TBC1D19: variants seen among roughly 807,000 people sequenced by gnomAD.
TBC1D19 encodes the protein TBC1 domain family, member 19.
Under a neutral mutation model 89.0 loss-of-function variants are expected in TBC1D19, and 60 were observed. The ratio of observed to expected loss-of-function variants is 0.67; its 90% CI spans 0.55 to 0.84. The LOEUF (loss-of-function observed/expected upper bound fraction) is 0.84. Among genes scored for constraint, TBC1D19 ranks in the 40% least tolerant of loss-of-function variants. TBC1D19 has a pLI of 0.00. For synonymous variants in TBC1D19, 189 were observed against 199.7 expected (o/e 0.95, Z 0.45); for missense variants, 500 against 610.8 (o/e 0.82, Z 1.91).
At chr4:26,805,054 C>A in the TBC1D19 span, among the ~76,000 whole-genome samples, 1 of 152,190 alleles carries the variant, frequency 6.6e-6, no homozygotes, top group Non-Finnish European at 1.5e-5. Context: ...CTCAGCTCCT[C>A]TTCCCACGGA....
intron 4 of TBC1D19, among the ~76,000 whole-genome samples, chr4:26,628,200 T>C (rs995452812): frequency 1.1e-4 from 16 of 152,134 alleles, no homozygotes; most frequent in Admixed American, 4.6e-4. Context: ...TAGTTGTAGA[T>C]ATGTGGCATT....
chr4:26,627,575 T>G (rs1409117675), intron 4 of TBC1D19, among the ~76,000 whole-genome samples: 3 of 151,936 alleles, frequency 2.0e-5, no homozygotes, highest in African/African-American at 7.2e-5. Flanking sequence ...TTTTAATGAT[T>G]GCCATTCTAA....
chr4:26,709,561 C>A (rs1458706580), intron 13 of TBC1D19, among the ~76,000 whole-genome samples: 1 of 151,966 alleles, frequency 6.6e-6, no homozygotes, highest in Non-Finnish European at 1.5e-5. Context: ...TTTTCCCTTT[C>A]TGGGTCCTTT....
chr4:26,761,196 G>A (rs951469591), downstream of TBC1D19, among the ~76,000 whole-genome samples: 6 of 152,032 alleles, frequency 3.9e-5, no homozygotes, highest in East Asian at 1.2e-3. Flanking sequence ...TAGCTTCTTC[G>A]CATTTCTAAA....
intron 8 of TBC1D19, 100 bp from the exon 9 acceptor site, chr4:26,666,233 T>G: frequency 1.1e-6 from 1 of 914,924 alleles, no homozygotes. Context: ...CATTTCACAC[T>G]GTGATTTTTA....
chr4:26,791,751 C>CT, the TBC1D19 span, among the ~76,000 whole-genome samples: 1 of 152,280 alleles, frequency 6.6e-6, no homozygotes, highest in East Asian at 1.9e-4. Context: ...TAAGATAGAG[C>CT]TGCCATTTAG....
the TBC1D19 span, among the ~76,000 whole-genome samples, chr4:26,791,791 G>C: frequency 3.9e-4 from 59 of 152,314 alleles, no homozygotes; most frequent in Admixed American, 1.1e-3. Context: ...TTTTACTGAG[G>C]GAAGATGAGT....
At chr4:26,634,395 T>G (rs1216694734) in intron 4 of TBC1D19, among the ~76,000 whole-genome samples, 1 of 152,140 alleles carries the variant, frequency 6.6e-6, no homozygotes, top group African/African-American at 2.4e-5. Flanking sequence ...CACTTTTTAC[T>G]GCAATACACA....
At chr4:26,806,498 A>C in the TBC1D19 span, among the ~76,000 whole-genome samples, 1 of 152,232 alleles carries the variant, frequency 6.6e-6, no homozygotes, top group Non-Finnish European at 1.5e-5. Context: ...GTGACTCACT[A>C]TGTGTCTGCC....
At chr4:26,798,067 C>G in the TBC1D19 span, among the ~76,000 whole-genome samples, 45 of 152,134 alleles carry the variant, frequency 3.0e-4, no homozygotes, top group Non-Finnish European at 5.6e-4. Context: ...AACTAAAATG[C>G]TTTTGCATAA....
intron 7 of TBC1D19, among the ~76,000 whole-genome samples, chr4:26,650,035 C>A (rs1418987955): frequency 1.3e-5 from 2 of 152,176 alleles, no homozygotes; most frequent in Non-Finnish European, 2.9e-5. Flanking sequence ...CTACAAAGGA[C>A]ATGAACTCAT....
chr4:26,804,624 C>T, the TBC1D19 span, among the ~76,000 whole-genome samples: 1 of 152,124 alleles, frequency 6.6e-6, no homozygotes, highest in East Asian at 1.9e-4. Context: ...GCCCAGACCC[C>T]ACCGGGCGCA....
the TBC1D19 span, among the ~76,000 whole-genome samples, chr4:26,791,416 C>T: frequency 4.0e-4 from 61 of 152,194 alleles, no homozygotes; most frequent in African/African-American, 1.4e-3. Flanking sequence ...TGAGGACCAG[C>T]TGGCTTTTCC....
At chr4:26,801,190 T>A in the TBC1D19 span, among the ~76,000 whole-genome samples, 1 of 152,144 alleles carries the variant, frequency 6.6e-6, no homozygotes, top group Non-Finnish European at 1.5e-5. Flanking sequence ...TAGTGTAAGG[T>A]GTAAGGAAGG....
chr4:26,621,304 C>T (rs1204991062), intron 4 of TBC1D19, among the ~76,000 whole-genome samples: 1 of 152,198 alleles, frequency 6.6e-6, no homozygotes, highest in Non-Finnish European at 1.5e-5. Flanking sequence ...AGCACAGCCT[C>T]ACTCACCTCC....
chr4:26,758,232 C>G (rs900262619), downstream of TBC1D19, among the ~76,000 whole-genome samples: 11 of 152,140 alleles, frequency 7.2e-5, no homozygotes, highest in African/African-American at 2.4e-4. Context: ...GATTTTGTCA[C>G]TTTATTCTCA....
intron 13 of TBC1D19, among the ~76,000 whole-genome samples, chr4:26,688,795 A>G (rs1357879153): frequency 6.6e-6 from 1 of 152,136 alleles, no homozygotes; most frequent in Non-Finnish European, 1.5e-5. Context: ...TTCAAAATCA[A>G]TTTGGAGTGT....
intron 7 of TBC1D19, among the ~76,000 whole-genome samples, chr4:26,644,966 A>G (rs1743814280): frequency 6.6e-6 from 1 of 152,218 alleles, no homozygotes; most frequent in South Asian, 2.1e-4. Flanking sequence ...ATGGATAGGA[A>G]GAATCAAAAT....
intron 15 of TBC1D19, among the ~76,000 whole-genome samples, chr4:26,734,673 C>T (rs184407791): frequency 8.7e-4 from 132 of 152,194 alleles, no homozygotes; most frequent in Non-Finnish European, 4.3e-4. Context: ...ACTTAACACC[C>T]ATAGTGTTTT....
Sources: gnomAD v4.1 joint callset for allele counts (sites outside exome capture counted in the v4.1 genomes callset) on GRCh38, gnomAD v4.1.1 for gene constraint, MANE v1.5 for transcripts, NCBI Gene and HGNC (gene_info 2026-07-23, HGNC 2026-07-21) for gene names.